The following DCAKD variants were observed in gnomAD, a reference collection of about 807,000 sequenced individuals.
The protein encoded by DCAKD is dephospho-CoA kinase domain containing.
A neutral mutation model predicts 18.7 loss-of-function variants in DCAKD; 15 were observed. The ratio of observed to expected loss-of-function variants is 0.80; its 90% CI spans 0.54 to 1.24. DCAKD has a LOEUF of 1.24. DCAKD is among the 50% of genes most tolerant of loss of function. The pLI, the probability that DCAKD is intolerant of heterozygous loss-of-function variation, is 0.00. For synonymous variants in DCAKD, 130 were observed against 133.0 expected, an observed-to-expected ratio of 0.98 and a Z score of 0.16; for missense variants, 301 against 322.0, an observed-to-expected ratio of 0.93 and a Z score of 0.50.
Position 45,034,829 on chromosome 17 carries a change from C to A in DCAKD, c.57G>T (p.Gln19His), listed in dbSNP as rs1405568859. ...CCGCACAGCCCAGCTGCTGGAACAC[C>A]TGGATCACTGAGCTCTTGCCTGAGG... ...GIASGKSSVI[Q>H]VFQQLGCAVI... Residue 19 changes from glutamine to histidine, a missense_variant, in exon 2 of 5, where the codon CAG (glutamine) becomes CAT (histidine). Transcript: ENST00000651974. 11 of 1,614,234 alleles carry A rather than the reference C, an allele frequency of 6.8e-6. No individual in the cohort carries two copies. The highest frequency in any genetic ancestry group is 9.3e-6 in the Non-Finnish European group (11 of 1,180,048).
chr17:45,052,707 A>C (rs972740000), upstream of DCAKD, among the ~76,000 whole-genome samples: 4 of 151,608 alleles, frequency 2.6e-5, no homozygotes, highest in South Asian at 2.1e-4. Context: ...AAAAAAAAAA[A>C]CAAAAAACAA....
chr17:45,041,965 A>AAAT (rs1217103651), intron 1 of DCAKD, among the ~76,000 whole-genome samples: 1 of 151,892 alleles, frequency 6.6e-6, no homozygotes, highest in East Asian at 1.9e-4. Flanking sequence ...AAAAAAAAAA[A>AAAT]AATAGCTGGG....
At chr17:45,047,467 T>C (rs2053595227) in intron 1 of DCAKD, among the ~76,000 whole-genome samples, 1 of 150,712 alleles carries the variant, frequency 6.6e-6, no homozygotes, top group Non-Finnish European at 1.5e-5. Flanking sequence ...AAATTTTTTG[T>C]AGAGATGAGG....
intron 3 of DCAKD, among the ~76,000 whole-genome samples, chr17:45,033,605 C>T (rs1248188584): frequency 3.3e-5 from 5 of 152,188 alleles, no homozygotes; most frequent in Non-Finnish European, 2.9e-5. Context: ...GCTGGGATTA[C>T]AGGTGCACAC....
At chr17:45,034,718 G>T in intron 2 of DCAKD, 56 bp downstream of exon 2, 2 of 1,565,400 alleles carry the variant, frequency 1.3e-6, no homozygotes, top group South Asian at 1.1e-5. Flanking sequence ...ATGGCAGAAG[G>T]CCGGAAGCGT....
upstream of DCAKD, chr17:45,054,243 C>A: frequency 2.2e-6 from 1 of 457,716 alleles, no homozygotes; most frequent in Non-Finnish European, 4.3e-6. Flanking sequence ...CCACTCAAGA[C>A]AGTTTTATTT....
chr17:45,026,577 G>A (rs1003369693), intron 4 of DCAKD: 1 of 977,278 alleles, frequency 1.0e-6, no homozygotes, highest in Non-Finnish European at 1.2e-6. Context: ...TGCCTACACT[G>A]GTCTCAAACT....
intron 1 of DCAKD, among the ~76,000 whole-genome samples, chr17:45,047,487 G>T (rs1163186737): frequency 6.7e-6 from 1 of 148,500 alleles, no homozygotes; most frequent in South Asian, 2.1e-4. Flanking sequence ...GTTTTGCTGG[G>T]TTGCCCTGGC....
intron 1 of DCAKD, among the ~76,000 whole-genome samples, chr17:45,039,201 T>C (rs1380431788): frequency 6.6e-6 from 1 of 152,076 alleles, no homozygotes; most frequent in African/African-American, 2.4e-5. Flanking sequence ...GAGGCTTAGG[T>C]ACCCAGCGGC....
At chr17:45,045,461 G>A (rs1305080429) in intron 1 of DCAKD, among the ~76,000 whole-genome samples, 1 of 152,196 alleles carries the variant, frequency 6.6e-6, no homozygotes, top group African/African-American at 2.4e-5. Context: ...GCCAGGCACA[G>A]TGGCTCACAT....
intron 4 of DCAKD, 133 bp downstream of exon 4, chr17:45,029,959 C>A: frequency 1.2e-6 from 1 of 806,640 alleles, no homozygotes; most frequent in Admixed American, 1.8e-5. Flanking sequence ...TCTACAGACC[C>A]TGAGCACTGC....
chr17:45,041,404 G>A (rs141516593), intron 1 of DCAKD, among the ~76,000 whole-genome samples: 9 of 151,098 alleles, frequency 6.0e-5, no homozygotes, highest in East Asian at 5.9e-4. Context: ...TCCGCCTCCC[G>A]GGTTCACGCC....
upstream of DCAKD, among the ~76,000 whole-genome samples, chr17:45,054,286 T>C (rs1302068989): frequency 6.6e-6 from 1 of 152,130 alleles, no homozygotes; most frequent in Non-Finnish European, 1.5e-5. Flanking sequence ...CTGGCTCTGT[T>C]GCCTAGGCTG....
Position 45,060,026 on chromosome 17 carries a change from C to T in DCAKD, c.-118+862G>A, listed in dbSNP as rs554617212. Among the ~76,000 whole-genome samples the T allele has an allele frequency of 3.3e-5, 5 of 152,246 alleles. No homozygotes were observed. In the East Asian group the frequency reaches 5.8e-4, roughly 18 times the overall value. Reference sequence around the variant, plus strand: ...GGCCGAGGCAAGAGAATCGCTTGAACCCAGGAGGCGAAGGTTGCAGTGAGC... The same window carrying T: ...GGCCGAGGCAAGAGAATCGCTTGAATCCAGGAGGCGAAGGTTGCAGTGAGC... On this transcript the variant is annotated intron_variant, in intron 1 of 4. Transcript: ENST00000310604.
chr17:45,059,044 C>T (rs7503717), intron 1 of DCAKD, among the ~76,000 whole-genome samples: 151,983 of 152,134 alleles, frequency 1, 75,916 homozygotes, highest in Middle Eastern at 1. Flanking sequence ...ATCGAGCCCA[C>T]CCTGGCTAAC....
At chr17:45,060,737 C>T (rs1377974195) in intron 1 of DCAKD, among the ~76,000 whole-genome samples, 1 of 152,232 alleles carries the variant, frequency 6.6e-6, no homozygotes, top group Non-Finnish European at 1.5e-5. Context: ...AGACCTTGAA[C>T]TGCCAATGAC....
rs1479516808 is a variant in DCAKD at position 45,034,802 on chromosome 17, C to T, written c.84G>A (p.Val28=). 6.2e-7 allele frequency: 1 copy of T among 1,614,108 alleles called. No homozygotes were observed. Among genetic ancestry groups the T allele is most frequent in the African/African-American group, 1.3e-5 (1 of 74,942 alleles). ...GCCGGGCCATCACGTCCACGTCAAT[C>T]ACCGCACAGCCCAGCTGCTGGAACA... ...IQVFQQLGCA[V]IDVDVMARHV... Residue 28 remains valine, a synonymous_variant, in exon 2 of 5, where the codon GTG becomes GTA. Coordinates refer to ENST00000651974, the MANE Select transcript of DCAKD (RefSeq NM_001288655.2).
Position 45,024,528 on chromosome 17 carries a change from C to T in DCAKD, c.601G>A (p.Glu201Lys). 6.2e-7 allele frequency: 1 copy of T among 1,614,132 alleles called. No homozygotes were observed. The highest frequency in any genetic ancestry group is 8.5e-7 in the Non-Finnish European group (1 of 1,179,994). Residue 201 changes from glutamate (E) to lysine (K), a missense_variant, in exon 5 of 5, where the codon GAG (glutamate) becomes AAG (lysine). By Grantham distance (56) the Glu-to-Lys change is moderately conservative. Coordinates refer to ENST00000651974, the MANE Select transcript of DCAKD (RefSeq NM_001288655.2). ...LLHTELERSL[E>K]YLPLRFGVLT... ...ACCCCAAACCTCAGCGGCAGGTACT[C>T]CAGGGAGCGCTCCAGCTCAGTGTGC...
In DCAKD at chr17:45,060,658, C is replaced by T. The variant is rs2143431806; in HGVS notation, c.-118+230G>A. ...GGCCAAGATGAGGCGGCGAGCCCTG[C>T]CTCCCTAGCAGTGTGGTCTCCTGGC... On this transcript the variant is annotated intron_variant, in intron 1 of 4. Coordinates refer to the DCAKD transcript ENST00000310604. 2.6e-5 allele frequency among the ~76,000 whole-genome samples: 4 copies of T among 152,384 alleles called. No homozygotes were observed. In the South Asian group the frequency reaches 8.3e-4, roughly 32 times the overall value.
Sources: allele counts gnomAD v4.1 joint callset (sites outside exome capture counted in the v4.1 genomes callset), GRCh38; gene constraint gnomAD v4.1.1; transcripts MANE v1.5; gene names NCBI Gene and HGNC (gene_info 2026-07-23, HGNC 2026-07-21).